Variants in CHLSN observed in about 807,000 individuals in gnomAD.
CHLSN encodes cholesin, also known as protein cholesin.
chr7:1,135,468 T>G, the CHLSN span, among the ~76,000 whole-genome samples: 1 of 151,988 alleles, frequency 6.6e-6, no homozygotes. Context: ...CATGTGTGTA[T>G]ATATATGTAT....
the CHLSN span, among the ~76,000 whole-genome samples, chr7:1,102,397 C>T: frequency 4.3e-4 from 66 of 152,300 alleles, 2 homozygotes; most frequent in East Asian, 1.5e-3. Context: ...AGGGAAAAGT[C>T]GGCGTCTGCA....
the CHLSN span, among the ~76,000 whole-genome samples, chr7:1,002,755 GTGGGTGGGGAGTCCT>G: frequency 9.4e-5 from 10 of 106,182 alleles, no homozygotes; most frequent in Admixed American, 1.7e-4. Flanking sequence ...GGGGAGTCCT[GTGGGTGGGGAGTCCT>G]TGGGTGAGTG....
chr7:1,117,451 G>A, the CHLSN span, among the ~76,000 whole-genome samples: 2 of 125,366 alleles, frequency 1.6e-5, no homozygotes, highest in Non-Finnish European at 3.2e-5. Context: ...AGACGCCCAC[G>A]CAGGATGATG....
At chr7:1,028,210 C>T in the CHLSN span, 6 of 1,038,894 alleles carry the variant, frequency 5.8e-6, no homozygotes, top group Non-Finnish European at 7.0e-6. Context: ...GGGCCCCTCC[C>T]ATCCCCTCCC....
At chr7:983,342 T>G in the CHLSN span, 7 of 1,537,944 alleles carry the variant, frequency 4.6e-6, no homozygotes, top group Non-Finnish European at 6.1e-6. Flanking sequence ...GTCGGGAACC[T>G]GCACTTGCTG....
chr7:1,117,760 G>T, the CHLSN span, among the ~76,000 whole-genome samples: 31 of 151,124 alleles, frequency 2.1e-4, no homozygotes, highest in African/African-American at 7.4e-4. Flanking sequence ...CTCTAGGACC[G>T]GCTTCCATCA....
chr7:1,107,981 A>G, the CHLSN span, among the ~76,000 whole-genome samples: 2 of 37,708 alleles, frequency 5.3e-5, no homozygotes, highest in Non-Finnish European at 5.0e-5. Flanking sequence ...CGCACTGGAG[A>G]CCCGCACCCC....
chr7:1,036,261 T>A, the CHLSN span, among the ~76,000 whole-genome samples: 6 of 152,100 alleles, frequency 3.9e-5, no homozygotes, highest in Non-Finnish European at 2.9e-5. Flanking sequence ...GCTGCGGACT[T>A]CGGGCGGTTG....
the CHLSN span, chr7:1,057,410 A>C: frequency 1.6e-6 from 1 of 613,908 alleles, no homozygotes; most frequent in East Asian, 2.7e-5. Context: ...CACCAGGAGA[A>C]GGCACCCCTG....
chr7:997,560 G>T, the CHLSN span: 1 of 1,361,858 alleles, frequency 7.3e-7, no homozygotes, highest in South Asian at 1.6e-5. Flanking sequence ...CGCCGGAGGA[G>T]CTGCACCCTG....
the CHLSN span, chr7:1,025,884 C>G: frequency 6.6e-6 from 1 of 152,274 alleles, no homozygotes; most frequent in Non-Finnish European, 1.5e-5. Flanking sequence ...TGGCACAGGA[C>G]AGACACCCAC....
the CHLSN span, among the ~76,000 whole-genome samples, chr7:1,006,297 G>A: frequency 1.3e-5 from 2 of 152,184 alleles, no homozygotes; most frequent in Non-Finnish European, 2.9e-5. Flanking sequence ...ACAGCACAGG[G>A]AAAGAGCACA....
At chr7:1,044,817 C>T in the CHLSN span, among the ~76,000 whole-genome samples, 5 of 152,326 alleles carry the variant, frequency 3.3e-5, no homozygotes, top group South Asian at 2.1e-4. Context: ...GCTCCGTGCC[C>T]TTGCCAGGAG....
chr7:1,021,291 G>A, the CHLSN span: 39 of 786,882 alleles, frequency 5.0e-5, no homozygotes, highest in East Asian at 1.3e-4. Context: ...GGACCTCCAG[G>A]CTGGCACCCA....
the CHLSN span, among the ~76,000 whole-genome samples, chr7:1,011,321 A>G: frequency 5.1e-5 from 7 of 137,662 alleles, no homozygotes; most frequent in Non-Finnish European, 1.1e-4. Flanking sequence ...ACACCCCCAC[A>G]TGCCACACAC....
the CHLSN span, among the ~76,000 whole-genome samples, chr7:1,090,640 C>A: frequency 6.6e-6 from 1 of 152,166 alleles, no homozygotes; most frequent in African/African-American, 2.4e-5. Flanking sequence ...CGGGACCCTC[C>A]CCACTGGCGG....
the CHLSN span, among the ~76,000 whole-genome samples, chr7:978,753 C>A: frequency 6.6e-6 from 1 of 152,222 alleles, no homozygotes; most frequent in Non-Finnish European, 1.5e-5. Context: ...GCTTACGTGG[C>A]CGTGTTCGCG....
the CHLSN span, chr7:987,617 T>C: frequency 7.7e-7 from 1 of 1,304,778 alleles, no homozygotes; most frequent in Non-Finnish European, 1.0e-6. Context: ...GCTGAGCGTC[T>C]GGTGGGTGCC....
the CHLSN span, chr7:984,533 G>A: frequency 3.2e-6 from 5 of 1,555,334 alleles, no homozygotes; most frequent in Non-Finnish European, 4.3e-6. Context: ...CTGGCCGACC[G>A]GCCTCCCATC....
Sources: gnomAD v4.1 joint callset for allele counts (sites outside exome capture counted in the v4.1 genomes callset) on GRCh38, gnomAD v4.1.1 for gene constraint, MANE v1.5 for transcripts, NCBI Gene and HGNC (gene_info 2026-07-23, HGNC 2026-07-21) for gene names.